The following TENM2 variants were observed in gnomAD, a reference collection of about 807,000 sequenced individuals.
TENM2 encodes the protein teneurin transmembrane protein 2, also known as teneurin-2.
Under a neutral mutation model 245.2 loss-of-function variants are expected in TENM2, and 52 were observed. That is an observed-to-expected ratio of 0.21 (90% CI 0.17 to 0.27). TENM2 has a LOEUF of 0.27. Ranked by LOEUF, TENM2 falls within the 10% of genes least tolerant of loss-of-function variation. The probability of loss-of-function intolerance (pLI) is 1.00; values close to 1 mark genes in which losing one functional copy is unlikely to be tolerated. For synonymous variants in TENM2, 1,363 were observed against 1,438.9 expected, an observed-to-expected ratio of 0.95 and a Z score of 1.19; for missense variants, 3,046 against 3,666.8, an observed-to-expected ratio of 0.83 and a Z score of 4.37.
At chr5:167,884,282 T>C (rs1774109709) in intron 3 of TENM2, among the ~76,000 whole-genome samples, 1 of 152,214 alleles carries the variant, frequency 6.6e-6, no homozygotes, top group African/African-American at 2.4e-5. Context: ...CCATTTATAC[T>C]ATTTTTAAGT....
the TENM2 span, among the ~76,000 whole-genome samples, chr5:167,174,107 T>C: frequency 6.6e-6 from 1 of 150,904 alleles, no homozygotes; most frequent in Admixed American, 6.6e-5. Context: ...CTGAGTTTTC[T>C]CGTTTTTTTT....
the TENM2 span, among the ~76,000 whole-genome samples, chr5:166,991,097 G>A: frequency 5.3e-5 from 8 of 151,840 alleles, no homozygotes; most frequent in Admixed American, 2.6e-4. Flanking sequence ...GCTTGGAATT[G>A]AATTTTGAAT....
chr5:167,656,764 T>G (rs1158609618), intron 2 of TENM2, among the ~76,000 whole-genome samples: 1 of 152,090 alleles, frequency 6.6e-6, no homozygotes, highest in Non-Finnish European at 1.5e-5. Flanking sequence ...TTGGTTACAT[T>G]ATATATCAAC....
chr5:167,678,794 C>T (rs1054782502), intron 2 of TENM2, among the ~76,000 whole-genome samples: 2 of 152,064 alleles, frequency 1.3e-5, no homozygotes, highest in Non-Finnish European at 2.9e-5. Flanking sequence ...GCTTCAAATC[C>T]GTATTTTCTC....
At chr5:167,107,474 T>C in the TENM2 span, among the ~76,000 whole-genome samples, 3 of 152,054 alleles carry the variant, frequency 2.0e-5, no homozygotes, top group African/African-American at 7.2e-5. Context: ...GGAATAAAGA[T>C]TCAGAGGGTT....
chr5:168,124,980 T>C (rs373667917), exon 11 of TENM2: 2 of 1,611,754 alleles, frequency 1.2e-6, no homozygotes, highest in Non-Finnish European at 1.7e-6. Flanking sequence ...GCAGTGGGCA[T>C]GGCACGTACC....
At chr5:167,237,806 T>A in the TENM2 span, among the ~76,000 whole-genome samples, 1 of 150,076 alleles carries the variant, frequency 6.7e-6, no homozygotes, top group Non-Finnish European at 1.5e-5. Flanking sequence ...AGGTCAGGAG[T>A]TCAAGACCAG....
chr5:167,334,515 G>C (rs1003664990), intron 1 of TENM2, among the ~76,000 whole-genome samples: 3 of 152,120 alleles, frequency 2.0e-5, no homozygotes, highest in African/African-American at 7.2e-5. Flanking sequence ...GACTTTTCTA[G>C]GTAGACAATG....
intron 2 of TENM2, among the ~76,000 whole-genome samples, chr5:167,767,805 A>G (rs1240310010): frequency 6.6e-6 from 1 of 152,248 alleles, no homozygotes; most frequent in African/African-American, 2.4e-5. Context: ...TGAAGTCTGT[A>G]GACCACACTT....
chr5:167,870,567 ATATG>A (rs1430061537), intron 2 of TENM2, among the ~76,000 whole-genome samples: 2 of 139,392 alleles, frequency 1.4e-5, no homozygotes, highest in Admixed American at 7.3e-5. Flanking sequence ...ATATATATAT[ATATG>A]TGTGTGTATA....
At chr5:168,110,841 C>G (rs769226348) in intron 9 of TENM2, among the ~76,000 whole-genome samples, 15 of 152,174 alleles carry the variant, frequency 9.9e-5, no homozygotes, top group Non-Finnish European at 1.9e-4. Flanking sequence ...AGCTTAAGTA[C>G]TTATCGATTG....
At chr5:168,143,351 A>G (rs1442971667) in intron 12 of TENM2, among the ~76,000 whole-genome samples, 7 of 151,962 alleles carry the variant, frequency 4.6e-5, no homozygotes, top group Non-Finnish European at 1.0e-4. Flanking sequence ...AAAATTACTT[A>G]GTATGCTATA....
the TENM2 span, among the ~76,000 whole-genome samples, chr5:167,094,451 G>C: frequency 6.6e-6 from 1 of 152,164 alleles, no homozygotes; most frequent in South Asian, 2.1e-4. Context: ...TAATATGTGA[G>C]AAGATTCACC....
At chr5:168,148,968 G>T (rs1365759051) in intron 12 of TENM2, among the ~76,000 whole-genome samples, 1 of 152,096 alleles carries the variant, frequency 6.6e-6, no homozygotes, top group Non-Finnish European at 1.5e-5. Flanking sequence ...TCCCATTCGG[G>T]TGGGTCAAGC....
chr5:167,129,305 T>C, the TENM2 span, among the ~76,000 whole-genome samples: 1 of 152,118 alleles, frequency 6.6e-6, no homozygotes, highest in Non-Finnish European at 1.5e-5. Context: ...GCCACTCCTT[T>C]CCATGGGCCT....
the TENM2 span, among the ~76,000 whole-genome samples, chr5:167,133,529 T>C: frequency 6.6e-6 from 1 of 150,982 alleles, no homozygotes; most frequent in African/African-American, 2.4e-5. Flanking sequence ...ATAGAAAAGG[T>C]GTGTTGCTGA....
chr5:168,247,551 C>T lies in TENM2; in HGVS notation c.6612C>T (p.Asp2204=), dbSNP rs1349773144. ...CCAATACCACGAAGTACACCTATGA[C>T]TACGATGGGGACGGGCAGCTCCAGA... is the stretch of plus-strand genomic sequence containing the variant. Residue 2204 remains aspartate, a synonymous_variant, in exon 27 of 29, where the codon GAC becomes GAT. Transcript: ENST00000518659. This position sits in a 1 kb window ranked among gnomAD's most constrained non-coding sequence, Gnocchi z 7.8. 6.2e-7 allele frequency: 1 copy of T among 1,613,000 alleles called. No homozygotes were observed. The highest frequency in any genetic ancestry group is 1.1e-5 in the South Asian group (1 of 91,058).
chr5:168,014,858 T>C (rs905358137), intron 5 of TENM2, among the ~76,000 whole-genome samples: 4 of 152,148 alleles, frequency 2.6e-5, no homozygotes, highest in Admixed American at 1.3e-4. Flanking sequence ...AGAAGGGCTC[T>C]TGGGGAGCAT....
intron 2 of TENM2, among the ~76,000 whole-genome samples, chr5:167,707,619 T>G (rs1376404702): frequency 6.6e-6 from 1 of 152,164 alleles, no homozygotes; most frequent in Non-Finnish European, 1.5e-5. Flanking sequence ...AAAGTGGTTT[T>G]GAAAATGCAC....
Sources: gnomAD v4.1 joint callset for allele counts (sites outside exome capture counted in the v4.1 genomes callset) on GRCh38, gnomAD v4.1.1 for gene constraint, Gnocchi (gnomAD v3.1) non-coding constraint, MANE v1.5 for transcripts, NCBI Gene and HGNC (gene_info 2026-07-23, HGNC 2026-07-21) for gene names.